CNTN4: variants seen among roughly 807,000 people sequenced by gnomAD.
The protein encoded by CNTN4 is contactin 4.
CNTN4 carries 77 observed loss-of-function variants against 122.5 expected under a neutral mutation model. The observed-to-expected ratio is 0.63, with a 90% CI of 0.52 to 0.76. The LOEUF (loss-of-function observed/expected upper bound fraction) is 0.76. Among genes scored for constraint, CNTN4 ranks in the 30% least tolerant of loss-of-function variants. The pLI is 0.00. For synonymous variants in CNTN4, 512 were observed against 447.0 expected, an observed-to-expected ratio of 1.15 and a Z score of -1.83; for missense variants, 1,256 against 1,259.1, an observed-to-expected ratio of 1.00 and a Z score of 0.04.
At chr3:3,041,281 G>C (rs1444022455) in intron 20 of CNTN4, 1 of 152,272 alleles carries the variant, frequency 6.6e-6, no homozygotes, top group Non-Finnish European at 1.5e-5. Flanking sequence ...TGCCTCAGCT[G>C]CTGATGCCTT....
intron 2 of CNTN4, among the ~76,000 whole-genome samples, chr3:2,241,440 A>G (rs932571596): frequency 2.6e-5 from 4 of 151,886 alleles, no homozygotes; most frequent in Non-Finnish European, 5.9e-5. Context: ...TTGCCATTTC[A>G]CTCATTATTT....
intron 7 of CNTN4, among the ~76,000 whole-genome samples, chr3:2,822,061 T>A (rs543453418): frequency 7.9e-5 from 12 of 152,316 alleles, no homozygotes; most frequent in African/African-American, 2.2e-4. Context: ...GAGAGGTAGG[T>A]TCCCCTCTAT....
intron 8 of CNTN4, among the ~76,000 whole-genome samples, chr3:2,876,052 C>T (rs1183483246): frequency 2.6e-5 from 4 of 152,174 alleles, no homozygotes; most frequent in Non-Finnish European, 5.9e-5. Flanking sequence ...GAAGGTGGTG[C>T]AGGTTTGATT....
At chr3:2,890,518 A>T (rs1472380973) in intron 10 of CNTN4, among the ~76,000 whole-genome samples, 1 of 152,174 alleles carries the variant, frequency 6.6e-6, no homozygotes, top group African/African-American at 2.4e-5. Flanking sequence ...TGTTTATTGC[A>T]TTCATCAGCT....
intron 4 of CNTN4, among the ~76,000 whole-genome samples, chr3:2,730,505 A>C (rs1174205906): frequency 6.6e-6 from 1 of 152,178 alleles, no homozygotes; most frequent in Non-Finnish European, 1.5e-5. Flanking sequence ...TGAAATGTTT[A>C]TTTTGAGATT....
intron 14 of CNTN4, among the ~76,000 whole-genome samples, chr3:2,990,626 C>T (rs996141324): frequency 1.3e-4 from 20 of 152,294 alleles, no homozygotes; most frequent in African/African-American, 4.6e-4. Context: ...CAGGACAAAA[C>T]CGTTCCCAAC....
At chr3:2,529,341 T>G (rs2077513254) in intron 3 of CNTN4, among the ~76,000 whole-genome samples, 2 of 152,184 alleles carry the variant, frequency 1.3e-5, no homozygotes. Flanking sequence ...ATTTTCTTCA[T>G]CCATTCATCT....
intron 14 of CNTN4, among the ~76,000 whole-genome samples, chr3:3,023,489 A>C (rs926497369): frequency 6.6e-6 from 1 of 152,220 alleles, no homozygotes; most frequent in Non-Finnish European, 1.5e-5. Flanking sequence ...TTAGGAAAGA[A>C]ATGTCATTCA....
At position 2,152,211 on chromosome 3, in the gene CNTN4, C is replaced by T. The variant is rs949332647; in HGVS notation, c.-145+51572C>T. 5.3e-5 allele frequency among the ~76,000 whole-genome samples: 8 copies of T among 152,054 alleles called. 1 individual carries two copies. In the South Asian group the frequency reaches 8.3e-4, roughly 16 times the overall value. ...CACAGGTAATAGCTAGTACAAAAGCCGTAAGGTAGCAGTAGGCCCAGCTTG... is the reference window on the plus strand; with the variant it reads ...CACAGGTAATAGCTAGTACAAAAGCTGTAAGGTAGCAGTAGGCCCAGCTTG... On this transcript the variant is annotated intron_variant, in intron 2 of 24. Transcript: ENST00000418658.
chr3:2,127,483 T>C (rs140267943), intron 2 of CNTN4, among the ~76,000 whole-genome samples: 101 of 152,284 alleles, frequency 6.6e-4, no homozygotes, highest in Non-Finnish European at 9.8e-4. Context: ...ACAATCCTTT[T>C]AGAACAAGAC....
At chr3:2,715,421 A>G (rs927665502) in intron 4 of CNTN4, among the ~76,000 whole-genome samples, 2 of 152,146 alleles carry the variant, frequency 1.3e-5, no homozygotes, top group Admixed American at 6.5e-5. Context: ...TAAATCAGCA[A>G]CCTCTGTTTA....
chr3:2,594,040 G>C (rs953652043), intron 4 of CNTN4, among the ~76,000 whole-genome samples: 4 of 152,090 alleles, frequency 2.6e-5, no homozygotes, highest in Non-Finnish European at 5.9e-5. Flanking sequence ...TGACTTATTT[G>C]AGAACAGCAT....
intron 4 of CNTN4, among the ~76,000 whole-genome samples, chr3:2,581,436 A>G (rs1250057030): frequency 6.6e-6 from 1 of 152,170 alleles, no homozygotes; most frequent in African/African-American, 2.4e-5. Flanking sequence ...AATTTTACAT[A>G]TGAGAATCTG....
At chr3:2,594,721 C>G (rs377046336) in intron 4 of CNTN4, among the ~76,000 whole-genome samples, 15 of 152,212 alleles carry the variant, frequency 9.9e-5, no homozygotes, top group African/African-American at 3.1e-4. Context: ...CACTGGCCAA[C>G]AAAATGGATC....
At chr3:2,292,039 TATA>T (rs1200471476) in intron 2 of CNTN4, among the ~76,000 whole-genome samples, 1 of 152,180 alleles carries the variant, frequency 6.6e-6, no homozygotes, top group Non-Finnish European at 1.5e-5. Flanking sequence ...CCTGGCGAAC[TATA>T]ATATTTTAAT....
chr3:2,283,728 T>G (rs1032293446), intron 2 of CNTN4, among the ~76,000 whole-genome samples: 2 of 152,096 alleles, frequency 1.3e-5, no homozygotes, highest in African/African-American at 4.8e-5. Flanking sequence ...GTTAGTCAAT[T>G]TTGCATTGAG....
chr3:2,484,472 T>A (rs1254877883), intron 3 of CNTN4, among the ~76,000 whole-genome samples: 1 of 152,172 alleles, frequency 6.6e-6, no homozygotes, highest in Admixed American at 6.5e-5. Flanking sequence ...GTGACTCTTA[T>A]AACTGTGTAT....
intron 11 of CNTN4, 26 bp downstream of exon 11, chr3:2,900,847 C>T (rs767146966): frequency 6.2e-7 from 1 of 1,613,488 alleles, no homozygotes; most frequent in South Asian, 1.1e-5. Flanking sequence ...GTAATTGTGC[C>T]TTAGTCTTGA....
At chr3:3,018,670 G>A (rs1055768147) in intron 14 of CNTN4, among the ~76,000 whole-genome samples, 1 of 152,174 alleles carries the variant, frequency 6.6e-6, no homozygotes, top group Non-Finnish European at 1.5e-5. Context: ...AATACTTATA[G>A]ATGTGTAGGT....
Sources: allele counts gnomAD v4.1 joint callset (sites outside exome capture counted in the v4.1 genomes callset), GRCh38; gene constraint gnomAD v4.1.1; transcripts MANE v1.5; gene names NCBI Gene and HGNC (gene_info 2026-07-23, HGNC 2026-07-21).